Variants in TRERF1 observed in about 807,000 individuals in gnomAD.
TRERF1 encodes transcriptional-regulating factor 1.
Under a neutral mutation model 122.9 loss-of-function variants are expected in TRERF1, and 27 were observed. That is an observed-to-expected ratio of 0.22 (90% CI 0.16 to 0.30). The LOEUF is 0.30. TRERF1 is among the 10% of genes least tolerant of loss of function. The probability of loss-of-function intolerance (pLI) is 1.00; values close to 1 mark genes in which losing one functional copy is unlikely to be tolerated. For missense variants in TRERF1, 1,248 were observed against 1,560.3 expected (o/e 0.80, Z 3.37); for synonymous variants, 636 against 641.7 (o/e 0.99, Z 0.13).
chr6:42,353,104 G>T (rs147723452), intron 3 of TRERF1, among the ~76,000 whole-genome samples: 1 of 152,158 alleles, frequency 6.6e-6, no homozygotes, highest in African/African-American at 2.4e-5. Context: ...CCAGGAGTTC[G>T]AGGCTGCAGT....
chr6:42,320,215 A>G (rs1763185250), intron 3 of TRERF1, among the ~76,000 whole-genome samples: 1 of 152,068 alleles, frequency 6.6e-6, no homozygotes, highest in South Asian at 2.1e-4. Context: ...AAATTATATT[A>G]TATTATTATA....
chr6:42,259,942 A>G lies in TRERF1; in HGVS notation c.1885-219T>C, dbSNP rs1397755288. ...AACTAAGGTTTTGGAAGAAATCCCT[A>G]ATTTCTGAAAGAGCTGGGGGTGGTA... On this transcript the variant is annotated intron_variant, in intron 8 of 17. Transcript: ENST00000372922. This position sits in a 1 kb window ranked among gnomAD's most constrained non-coding sequence, Gnocchi z 4.9. Among the ~76,000 whole-genome samples, 1 of 151,974 alleles carries G rather than the reference A, an allele frequency of 6.6e-6. No individual in the cohort carries two copies. Among genetic ancestry groups the G allele is most frequent in the Non-Finnish European group, 1.5e-5 (1 of 67,994 alleles).
At chr6:42,404,094 A>G (rs1779833035) in intron 2 of TRERF1, among the ~76,000 whole-genome samples, 1 of 152,102 alleles carries the variant, frequency 6.6e-6, no homozygotes, top group East Asian at 1.9e-4. Flanking sequence ...GGGAGTCTTG[A>G]GTACTAGACT....
chr6:42,377,708 G>A (rs1027472080), intron 2 of TRERF1, among the ~76,000 whole-genome samples: 1 of 152,154 alleles, frequency 6.6e-6, no homozygotes, highest in Non-Finnish European at 1.5e-5. Context: ...CCAGTTGTAC[G>A]GATTTTCCAA....
intron 14 of TRERF1, 51 bp downstream of exon 14, chr6:42,246,405 A>T: frequency 7.5e-7 from 1 of 1,333,746 alleles, no homozygotes; most frequent in Non-Finnish European, 1.1e-6. Flanking sequence ...ATTTTTGTGT[A>T]CAATTTCCCA....
At chr6:42,279,635 G>A (rs941695133) in intron 4 of TRERF1, among the ~76,000 whole-genome samples, 8 of 152,176 alleles carry the variant, frequency 5.3e-5, no homozygotes, top group East Asian at 1.9e-4. Flanking sequence ...AACAGCCTCC[G>A]GCAGGTGGGC....
chr6:42,296,974 T>C (rs1487533006), intron 4 of TRERF1, among the ~76,000 whole-genome samples: 2 of 152,232 alleles, frequency 1.3e-5, no homozygotes, highest in Admixed American at 1.3e-4. Context: ...TACAAAGCTG[T>C]TCAGCTAGTT....
At chr6:42,288,908 T>C (rs1254982297) in intron 4 of TRERF1, among the ~76,000 whole-genome samples, 1 of 151,950 alleles carries the variant, frequency 6.6e-6, no homozygotes, top group African/African-American at 2.4e-5. Flanking sequence ...CTCATCTTAA[T>C]GGCTCCCCTG....
intron 3 of TRERF1, among the ~76,000 whole-genome samples, chr6:42,340,539 G>A (rs1767075485): frequency 6.6e-6 from 1 of 152,132 alleles, no homozygotes; most frequent in African/African-American, 2.4e-5. Flanking sequence ...CACATAAGAA[G>A]CTTCAGAAAG....
chr6:42,317,027 C>T (rs1473344131), intron 3 of TRERF1, among the ~76,000 whole-genome samples: 1 of 152,184 alleles, frequency 6.6e-6, no homozygotes, highest in Non-Finnish European at 1.5e-5. Context: ...CTCATGACAA[C>T]CTGTCCTGTG....
At chr6:42,422,522 A>G (rs1782932659) in intron 2 of TRERF1, among the ~76,000 whole-genome samples, 2 of 151,616 alleles carry the variant, frequency 1.3e-5, no homozygotes, top group South Asian at 2.1e-4. Flanking sequence ...AAAAAAAAAA[A>G]AAAATACAAA....
In TRERF1 at chr6:42,269,070, T is replaced by G; in HGVS notation, c.521A>C (p.Asp174Ala). The change falls in exon 5 of 18, where the codon GAT (aspartate) becomes GCT (alanine). Residue 174 changes from aspartate (D) to alanine (A), a missense_variant. Asp to Ala is a moderately radical substitution (Grantham distance 126, BLOSUM62 -2). Coordinates refer to ENST00000372922, the Ensembl canonical transcript of TRERF1. This position sits in a 1 kb window ranked among gnomAD's most constrained non-coding sequence, Gnocchi z 4.9. ...GCGGAGAGCACTGTCAGGGGCTCCATCCATCACTGCTGACTGAGTGTGCAG... is the reference window on the plus strand; with the variant it reads ...GCGGAGAGCACTGTCAGGGGCTCCAGCCATCACTGCTGACTGAGTGTGCAG... The G allele has an allele frequency of 6.2e-7, 1 of 1,614,184 alleles. No individual in the cohort carries two copies. The highest frequency in any genetic ancestry group is 8.5e-7 in the Non-Finnish European group (1 of 1,180,024).
chr6:42,295,589 C>G (rs1784968321), intron 4 of TRERF1, among the ~76,000 whole-genome samples: 2 of 152,164 alleles, frequency 1.3e-5, no homozygotes, highest in South Asian at 4.1e-4. Flanking sequence ...AAGACCAGCT[C>G]AAATCATCAT....
At chr6:42,262,462 GAGA>G (rs1169122982) in intron 8 of TRERF1, among the ~76,000 whole-genome samples, 6 of 4,710 alleles carry the variant, frequency 1.3e-3, no homozygotes, top group Non-Finnish European at 3.6e-3. Flanking sequence ...GAGAGAGAGA[GAGA>G]GGAGAGAGAG....
exon 11 of TRERF1, chr6:42,257,000 G>A (rs748221201): frequency 2.1e-5 from 34 of 1,614,216 alleles, no homozygotes; most frequent in Non-Finnish European, 2.6e-5. Context: ...GTTCTGGCCA[G>A]GGCTTCCATA....
exon 11 of TRERF1, chr6:42,257,004 T>C: frequency 6.2e-7 from 1 of 1,614,216 alleles, no homozygotes; most frequent in Non-Finnish European, 8.5e-7. Context: ...TGGCCAGGGC[T>C]TCCATACCAG....
At chr6:42,386,721 G>A (rs925892577) in intron 2 of TRERF1, among the ~76,000 whole-genome samples, 3 of 152,286 alleles carry the variant, frequency 2.0e-5, no homozygotes, top group Non-Finnish European at 2.9e-5. Context: ...GGACCCTTCC[G>A]GATCTTTGGT....
chr6:42,322,075 G>A (rs558427481), intron 3 of TRERF1, among the ~76,000 whole-genome samples: 4 of 152,276 alleles, frequency 2.6e-5, no homozygotes, highest in African/African-American at 9.6e-5. Context: ...AGGTAAGAAC[G>A]CAAATACTGC....
exon 18 of TRERF1, chr6:42,226,278 T>TA (rs1387022802): frequency 6.6e-6 from 1 of 152,224 alleles, no homozygotes; most frequent in Non-Finnish European, 1.5e-5. Context: ...ACAGAGGCAA[T>TA]ACATTTGCTT....
Sources: gnomAD v4.1 joint callset for allele counts (sites outside exome capture counted in the v4.1 genomes callset) on GRCh38, gnomAD v4.1.1 for gene constraint, Gnocchi (gnomAD v3.1) non-coding constraint, MANE v1.5 for transcripts, NCBI Gene and HGNC (gene_info 2026-07-23, HGNC 2026-07-21) for gene names.